Variants in ARHGAP10 observed in about 807,000 individuals in gnomAD.
ARHGAP10 encodes the protein rho GTPase-activating protein 10.
Under a neutral mutation model 108.6 loss-of-function variants are expected in ARHGAP10, and 87 were observed. The observed-to-expected ratio is 0.80, with a 90% CI of 0.67 to 0.96. The LOEUF (loss-of-function observed/expected upper bound fraction) is 0.96, where lower values mean the gene tolerates loss of function less well. Ranked by LOEUF, ARHGAP10 falls within the 40% of genes least tolerant of loss-of-function variation. ARHGAP10 has a pLI of 0.00. For missense variants in ARHGAP10, 939 were observed against 954.5 expected (o/e 0.98, Z 0.21); for synonymous variants, 347 against 341.1 (o/e 1.02, Z -0.19).
At chr4:148,046,646 T>C (rs1220202437) in intron 19 of ARHGAP10, among the ~76,000 whole-genome samples, 3 of 152,180 alleles carry the variant, frequency 2.0e-5, no homozygotes, top group Non-Finnish European at 4.4e-5. Context: ...TTATCTTCCA[T>C]TATCTGATTT....
At chr4:147,893,827 T>G (rs1735884350) in intron 10 of ARHGAP10, among the ~76,000 whole-genome samples, 1 of 151,966 alleles carries the variant, frequency 6.6e-6, no homozygotes, top group South Asian at 2.1e-4. Context: ...TGATAGAACA[T>G]GGAGTGGGTA....
At chr4:147,839,126 A>ATCTGTCTGTCTGTCTGTCTG (rs1280086467) in intron 3 of ARHGAP10, among the ~76,000 whole-genome samples, 1 of 148,606 alleles carries the variant, frequency 6.7e-6, no homozygotes, top group African/African-American at 2.5e-5. Flanking sequence ...CTATCTATCT[A>ATCTGTCTGTCTGTCTGTCTG]TCTATCTATC....
intron 1 of ARHGAP10, among the ~76,000 whole-genome samples, chr4:147,735,472 C>T (rs910583962): frequency 1.3e-5 from 2 of 152,058 alleles, no homozygotes; most frequent in African/African-American, 4.8e-5. Context: ...CCAGAACACT[C>T]GAGTGTTTGA....
chr4:148,071,587 G>C (rs1730181006), intron 22 of ARHGAP10, among the ~76,000 whole-genome samples: 1 of 152,142 alleles, frequency 6.6e-6, no homozygotes, highest in Admixed American at 6.5e-5. Context: ...CCGCACTCCA[G>C]CCTGGGCGAC....
At chr4:147,984,161 G>A (rs1485602564) in intron 18 of ARHGAP10, among the ~76,000 whole-genome samples, 2 of 152,130 alleles carry the variant, frequency 1.3e-5, no homozygotes, top group African/African-American at 4.8e-5. Flanking sequence ...TGTTGTTTAA[G>A]CTGCAGTCCA....
At chr4:147,892,520 A>C (rs757442493) in intron 10 of ARHGAP10, among the ~76,000 whole-genome samples, 11 of 152,078 alleles carry the variant, frequency 7.2e-5, no homozygotes, top group Non-Finnish European at 1.3e-4. Flanking sequence ...AGGAGGATTT[A>C]GAAGCAAGTA....
chr4:148,025,010 T>C (rs1741712952), intron 19 of ARHGAP10, among the ~76,000 whole-genome samples: 1 of 152,200 alleles, frequency 6.6e-6, no homozygotes, highest in Non-Finnish European at 1.5e-5. Context: ...TAGGATCACG[T>C]CTACTATTTT....
intron 19 of ARHGAP10, among the ~76,000 whole-genome samples, chr4:148,025,788 G>C (rs961768484): frequency 6.6e-6 from 1 of 151,956 alleles, no homozygotes; most frequent in Non-Finnish European, 1.5e-5. Context: ...CGACTTGAAG[G>C]TTTCAAAAAG....
chr4:147,976,770 C>T (rs909408542), intron 18 of ARHGAP10, among the ~76,000 whole-genome samples: 4 of 152,058 alleles, frequency 2.6e-5, no homozygotes, highest in African/African-American at 7.2e-5. Context: ...TCCCTTGGGA[C>T]CAGAGTGGTT....
At position 148,072,348 on chromosome 4, in the gene ARHGAP10, A is replaced by C; in HGVS notation, c.*267A>C. On this transcript the variant is annotated 3_prime_UTR_variant, in exon 23 of 23. Transcript: ENST00000336498. ...TCAAGTATTGGGACTTGTGATTTTT[A>C]ATTATCCAGCATATAGAATGAGAGG... 2.4e-6 allele frequency: 1 copy of C among 416,256 alleles called. No homozygotes were observed. The highest frequency in any genetic ancestry group is 6.6e-5 in the South Asian group (1 of 15,048). The allele number at this position is 416,256 out of a possible 1,614,324, so 25.8% of individuals were successfully genotyped here.
At chr4:147,779,802 G>A (rs540839828) in intron 1 of ARHGAP10, among the ~76,000 whole-genome samples, 2 of 152,172 alleles carry the variant, frequency 1.3e-5, no homozygotes, top group Admixed American at 6.5e-5. Context: ...TAATGTTTAA[G>A]CTTTTCATGA....
At chr4:148,061,071 C>A (rs1668069307) in intron 20 of ARHGAP10, among the ~76,000 whole-genome samples, 1 of 151,384 alleles carries the variant, frequency 6.6e-6, no homozygotes, top group South Asian at 2.1e-4. Flanking sequence ...ACCCACCCAC[C>A]CGCGGGTGTT....
chr4:148,009,776 T>C (rs1239268244), intron 18 of ARHGAP10, among the ~76,000 whole-genome samples: 1 of 152,160 alleles, frequency 6.6e-6, no homozygotes, highest in African/African-American at 2.4e-5. Context: ...CTCTCCTCAC[T>C]TTGTGCATAA....
At chr4:147,844,877 GA>G (rs1733572839) in intron 3 of ARHGAP10, among the ~76,000 whole-genome samples, 1 of 152,072 alleles carries the variant, frequency 6.6e-6, no homozygotes, top group African/African-American at 2.4e-5. Context: ...GAGTAATCTT[GA>G]AAAGCTCTAA....
chr4:147,923,134 T>G (rs185568974), intron 13 of ARHGAP10, among the ~76,000 whole-genome samples: 83 of 152,374 alleles, frequency 5.4e-4, no homozygotes, highest in Middle Eastern at 3.4e-3. Context: ...GAATTGGTAC[T>G]TTCACATAAC....
intron 1 of ARHGAP10, among the ~76,000 whole-genome samples, chr4:147,820,124 G>A (rs900432878): frequency 1.3e-5 from 2 of 152,116 alleles, no homozygotes; most frequent in East Asian, 1.9e-4. Context: ...CCATGGTGTT[G>A]GAGGAGTGGG....
At chr4:148,013,601 T>C (rs558588187) in intron 18 of ARHGAP10, among the ~76,000 whole-genome samples, 153 of 152,178 alleles carry the variant, frequency 1.0e-3, no homozygotes, top group African/African-American at 3.6e-3. Context: ...GGCAGGAGAA[T>C]GGCGTGAACC....
chr4:147,844,489 T>C (rs1472350049), intron 3 of ARHGAP10, among the ~76,000 whole-genome samples: 3 of 152,210 alleles, frequency 2.0e-5, no homozygotes, highest in Non-Finnish European at 1.5e-5. Flanking sequence ...CCTACTATAC[T>C]TCCCAGCTTC....
chr4:148,045,486 A>C (rs1194036104), intron 19 of ARHGAP10, among the ~76,000 whole-genome samples: 1 of 152,140 alleles, frequency 6.6e-6, no homozygotes, highest in Non-Finnish European at 1.5e-5. Context: ...TCACGCCTGT[A>C]ATCCCAGCAA....
Sources: gnomAD v4.1 joint callset for allele counts (sites outside exome capture counted in the v4.1 genomes callset) on GRCh38, gnomAD v4.1.1 for gene constraint, MANE v1.5 for transcripts, NCBI Gene and HGNC (gene_info 2026-07-23, HGNC 2026-07-21) for gene names.